INTS3: variants seen among roughly 807,000 people sequenced by gnomAD.
The protein encoded by INTS3 is SOSS complex subunit A.
Under a neutral mutation model 146.3 loss-of-function variants are expected in INTS3, and 34 were observed. That is an observed-to-expected ratio of 0.23 (90% CI 0.18 to 0.31). The LOEUF is 0.31. Among genes scored for constraint, INTS3 ranks in the 10% least tolerant of loss-of-function variants. The pLI is 1.00. For synonymous variants in INTS3, 475 were observed against 494.9 expected (o/e 0.96, Z 0.53); for missense variants, 757 against 1,304.2 (o/e 0.58, Z 6.46).
At position 153,771,507 on chromosome 1, in the gene INTS3, C is replaced by T. The variant is rs527588320; in HGVS notation, c.2553-289C>T. Among the ~76,000 whole-genome samples, 3 of 152,240 alleles carry T rather than the reference C, an allele frequency of 2.0e-5. No homozygotes were observed. In the South Asian group the frequency reaches 6.2e-4, roughly 32 times the overall value. ...CATGCTTGTGCTTCTGCCTCCCAGGCCCACTCCCTGACTGTTCTAGGGGAG... is the reference window on the plus strand; with the variant it reads ...CATGCTTGTGCTTCTGCCTCCCAGGTCCACTCCCTGACTGTTCTAGGGGAG... On this transcript the variant is annotated intron_variant, in intron 25 of 29. Transcript: ENST00000318967.
rs1290121147 is a variant in INTS3, at chr1:153,728,106, C to G, written c.-529C>G. 1 of 325,606 alleles carries G rather than the reference C, an allele frequency of 3.1e-6. No individual in the cohort carries two copies. The highest frequency in any genetic ancestry group is 5.5e-6 in the Non-Finnish European group (1 of 181,614). The allele number at this position is 325,606 out of a possible 1,614,324, so 20.2% of individuals were successfully genotyped here. A position where few individuals can be genotyped will look rare whatever the true frequency, so the allele number is the denominator to read the frequency against. On this transcript the variant is annotated 5_prime_UTR_variant, in exon 1 of 30. Transcript: ENST00000318967. ...CGCTTCTGTGTGGTGTGGGGAGACG[C>G]TGGTCCTCCCCGTCCTCCCATAGCG...
At position 153,772,670 on chromosome 1, in the gene INTS3, G is replaced by A; in HGVS notation, c.2853G>A (p.Leu951=). The part of the protein sequence containing the change: ...FFSQTPILQA[L]QHVQASCDEA... ...GCCAGACGCCAATTCTCCAGGCGCTGCAGCATGTCCAAGCGAGCTGTGACG... is the reference window on the plus strand; with the variant it reads ...GCCAGACGCCAATTCTCCAGGCGCTACAGCATGTCCAAGCGAGCTGTGACG... The change falls in exon 28 of 30, where the codon CTG becomes CTA. Residue 951 remains leucine, a synonymous_variant. Coordinates refer to ENST00000318967, the MANE Select transcript of INTS3 (RefSeq NM_023015.5). This position sits in a 1 kb window ranked among gnomAD's most constrained non-coding sequence, Gnocchi z 4.6. 1.2e-6 allele frequency: 2 copies of A among 1,614,204 alleles called. No individual in the cohort carries two copies. The highest frequency in any genetic ancestry group is 2.2e-5 in the South Asian group (2 of 91,084).
chr1:153,770,245 C>G lies in INTS3; in HGVS notation c.2437C>G (p.Leu813Val). 1 of 1,613,708 alleles carries G rather than the reference C, an allele frequency of 6.2e-7. No individual in the cohort carries two copies. Among genetic ancestry groups the G allele is most frequent in the Non-Finnish European group, 8.5e-7 (1 of 1,179,790 alleles). The part of the protein sequence containing the change: ...ETFEQYCAWQ[L>V]FLAHNIPLET... ...CTTTGAGCAGTATTGTGCCTGGCAG[C>G]TCTTTCTGGCCCACAATATTCCCCT... is the stretch of plus-strand genomic sequence containing the variant. Residue 813 changes from leucine (L) to valine (V), a missense_variant, in exon 24 of 30, where the codon CTC becomes GTC. Transcript: ENST00000318967.
At position 153,747,319 on chromosome 1, in the gene INTS3, T is replaced by C. The variant is rs1671786396; in HGVS notation, c.473T>C (p.Leu158Pro). 4 of 1,614,080 alleles carry C rather than the reference T, an allele frequency of 2.5e-6. No individual in the cohort carries two copies. The highest frequency in any genetic ancestry group is 1.3e-5 in the African/African-American group (1 of 74,922). ...LVRELVKSGV[L>P]GADGVCMTFM... The stretch of plus-strand genomic sequence containing the variant: ...CGGGAACTGGTGAAGAGTGGGGTTC[T>C]GGGAGCCGATGGTGTTTGTATGACG... Residue 158 changes from leucine (L) to proline (P), a missense_variant, in exon 5 of 30, where the codon CTG becomes CCG. This residue lies in a region of INTS3 where 160 missense variants were observed against 193.7 expected (regional missense o/e 0.83). Transcript: ENST00000318967.
intron 1 of INTS3, among the ~76,000 whole-genome samples, chr1:153,729,052 C>T (rs1289210266): frequency 6.6e-6 from 1 of 152,062 alleles, no homozygotes; most frequent in Non-Finnish European, 1.5e-5. Context: ...CCAGGTTTAC[C>T]GAATTTATTT....
chr1:153,761,403 G>A (rs1008794881), intron 13 of INTS3, 167 bp from the exon 14 acceptor site: 5 of 590,382 alleles, frequency 8.5e-6, no homozygotes, highest in Non-Finnish European at 1.5e-5. Context: ...CTAGCTACTT[G>A]AGAGGCTGAG....
intron 20 of INTS3, chr1:153,766,522 C>G (rs1374943285): frequency 6.6e-6 from 1 of 151,880 alleles, no homozygotes; most frequent in Non-Finnish European, 1.5e-5. Context: ...TGGTCTCGAA[C>G]TCCTGACCTC....
intron 1 of INTS3, among the ~76,000 whole-genome samples, chr1:153,737,507 A>ACT (rs1452023248): frequency 6.6e-6 from 1 of 152,074 alleles, no homozygotes; most frequent in Non-Finnish European, 1.5e-5. Flanking sequence ...AGACCCTGGT[A>ACT]CTTTTTTTTT....
At chr1:153,759,701 G>C (rs1249065086) in intron 11 of INTS3, 88 bp downstream of exon 11, 9 of 843,988 alleles carry the variant, frequency 1.1e-5, no homozygotes, top group Non-Finnish European at 1.8e-5. Context: ...AAATCTCAGG[G>C]CACCGTGGAG....
At position 153,773,063 on chromosome 1, in the gene INTS3, G is replaced by T. The variant is rs565582061; in HGVS notation, c.3033G>T (p.Ser1011=). Residue 1011 remains serine (S), a synonymous_variant, in exon 29 of 30, where the codon TCG becomes TCT. Coordinates refer to ENST00000318967, the MANE Select transcript of INTS3 (RefSeq NM_023015.5). ...AGCCCCCCAATGCCGAAGAAGAGTCGGGCTCCAGCAGTGCTTCAGTGAGAA... is the reference window on the plus strand; with the variant it reads ...AGCCCCCCAATGCCGAAGAAGAGTCTGGCTCCAGCAGTGCTTCAGTGAGAA... ...ATQPPNAEEE[S]GSSSASEEED... 1 of 1,613,982 alleles carries T rather than the reference G, an allele frequency of 6.2e-7. No individual in the cohort carries two copies. The highest frequency in any genetic ancestry group is 1.3e-5 in the African/African-American group (1 of 74,908).
intron 1 of INTS3, among the ~76,000 whole-genome samples, chr1:153,729,667 A>T (rs2101766911): frequency 6.6e-6 from 1 of 152,268 alleles, no homozygotes; most frequent in South Asian, 2.1e-4. Flanking sequence ...AGAGATCGAG[A>T]CCATCCTGGC....
Position 153,740,755 on chromosome 1 carries a change from G to A in INTS3, c.234+21G>A, listed in dbSNP as rs878902438. 5 of 1,554,578 alleles carry A rather than the reference G, an allele frequency of 3.2e-6. No individual in the cohort carries two copies. In the East Asian group the frequency reaches 1.1e-4, roughly 35 times the overall value. ...CGTATGTAAGTAGAATGCTGTCCCT[G>A]CAGCCACTGCTGCTGCTGTGAAGGT... On this transcript the variant is annotated intron_variant, in intron 2 of 29. Coordinates refer to ENST00000318967, the MANE Select transcript of INTS3 (RefSeq NM_023015.5).
intron 3 of INTS3, among the ~76,000 whole-genome samples, chr1:153,746,680 C>T (rs905560924): frequency 1.3e-5 from 2 of 150,798 alleles, no homozygotes; most frequent in Non-Finnish European, 1.5e-5. Context: ...GGATTACAGG[C>T]GTGAGCCACT....
rs1424336547 is a variant in INTS3, at chr1:153,728,130, C to T, written c.-505C>T. 2 of 388,168 alleles carry T rather than the reference C, an allele frequency of 5.2e-6. No homozygotes were observed. The highest frequency in any genetic ancestry group is 2.1e-5 in the African/African-American group (1 of 47,560). The allele number at this position is 388,168 out of a possible 1,614,324, so 24.0% of individuals were successfully genotyped here. On this transcript the variant is annotated 5_prime_UTR_variant, in exon 1 of 30. Coordinates refer to ENST00000318967, the MANE Select transcript of INTS3 (RefSeq NM_023015.5). The stretch of plus-strand genomic sequence containing the variant: ...GCTGGTCCTCCCCGTCCTCCCATAG[C>T]GCTTATTGCCTCACCCTCACCCCCT...
intron 1 of INTS3, among the ~76,000 whole-genome samples, chr1:153,739,826 G>A (rs929473972): frequency 8.6e-5 from 13 of 150,548 alleles, no homozygotes; most frequent in Admixed American, 5.3e-4. Flanking sequence ...ACAGAGTCTC[G>A]CTCTGTCGCC....
At chr1:153,754,369 CCAGT>C (rs757226518) in intron 8 of INTS3, among the ~76,000 whole-genome samples, 1 of 152,110 alleles carries the variant, frequency 6.6e-6, no homozygotes, top group South Asian at 2.1e-4. Flanking sequence ...CCATCTGTTA[CCAGT>C]GGGAATCATG....
chr1:153,773,245 C>A lies in INTS3; in HGVS notation c.3104C>A (p.Ser1035Tyr), dbSNP rs1463905377. 1 of 1,614,108 alleles carries A rather than the reference C, an allele frequency of 6.2e-7. No individual in the cohort carries two copies. Among genetic ancestry groups the A allele is most frequent in the East Asian group, 2.2e-5 (1 of 44,840 alleles). ...ACCAAGCGGAAACGAAAAGGGTCCT[C>A]TGCAGTGGGCTCTGACAGTGACTGA... ...KPTKRKRKGS[S>Y]AVGSDSD Residue 1035 changes from serine to tyrosine, a missense_variant, in exon 30 of 30, where the codon TCT becomes TAT. Physicochemically the swap from Ser to Tyr is moderately radical, Grantham distance 144. Coordinates refer to ENST00000318967, the MANE Select transcript of INTS3 (RefSeq NM_023015.5).
At position 153,760,809 on chromosome 1, in the gene INTS3, CT is replaced by C; in HGVS notation, c.1318-17del. 1 of 1,601,560 alleles carries C rather than the reference CT, an allele frequency of 6.2e-7. No individual in the cohort carries two copies. The highest frequency in any genetic ancestry group is 8.6e-7 in the Non-Finnish European group (1 of 1,168,606). On this transcript the variant is annotated splice_polypyrimidine_tract_variant and intron_variant, in intron 12 of 29. Coordinates refer to ENST00000318967, the MANE Select transcript of INTS3 (RefSeq NM_023015.5). ...ATGGAGTCCTGTGCTCATTTTTCCC[CT>C]CCTTCTTCGCTTCCAGATCATTCCC...
intron 3 of INTS3, among the ~76,000 whole-genome samples, chr1:153,746,078 A>T (rs1252827076): frequency 1.3e-5 from 2 of 152,320 alleles, no homozygotes; most frequent in East Asian, 3.9e-4. Context: ...AAGTATAAAA[A>T]AACTAAAAAT....
Sources: allele counts gnomAD v4.1 joint callset (sites outside exome capture counted in the v4.1 genomes callset), GRCh38; gene constraint gnomAD v4.1.1; regional missense constraint gnomAD v4.1.1; non-coding constraint Gnocchi (gnomAD v3.1); transcripts MANE v1.5; gene names NCBI Gene and HGNC (gene_info 2026-07-23, HGNC 2026-07-21).